ZNF658: variants seen among roughly 807,000 people sequenced by gnomAD.
The protein encoded by ZNF658 is zinc finger protein 658.
A neutral mutation model predicts 78.0 loss-of-function variants in ZNF658; 46 were observed. The ratio of observed to expected loss-of-function variants is 0.59; its 90% CI spans 0.47 to 0.75. ZNF658 has a LOEUF of 0.75. Ranked by LOEUF, ZNF658 falls within the 30% of genes least tolerant of loss-of-function variation. The probability of loss-of-function intolerance (pLI) is 0.00; values close to 1 mark genes in which losing one functional copy is unlikely to be tolerated. For synonymous variants in ZNF658, 279 were observed against 408.4 expected (o/e 0.68, Z 3.82); for missense variants, 785 against 1,189.3 (o/e 0.66, Z 5.00).
rs139502947 is a variant in ZNF658, at chr9:66,917,907, A to C, written c.341A>C (p.Glu114Ala). The stretch of plus-strand genomic sequence containing the variant: ...GATGCTGACAAAACATTGAGTAAAG[A>C]AGGACAGAAAGTTTTAGAAAAACCA... ...ISDADKTLSK[E>A]GQKVLEKPFN... Residue 114 changes from glutamate (E) to alanine (A), a missense_variant, in exon 5 of 5, where the codon GAA becomes GCA. Physicochemically the swap from Glu to Ala is moderately radical, Grantham distance 107 (BLOSUM62 -1). Around this residue, in one of 12 missense-constraint regions of ZNF658, gnomAD observed 54 missense variants for 48.9 expected, o/e 1.10. Coordinates refer to ENST00000621410, the MANE Select transcript of ZNF658 (RefSeq NM_033160.7). 6.2e-7 allele frequency: 1 copy of C among 1,609,680 alleles called. No individual in the cohort carries two copies. The highest frequency in any genetic ancestry group is 2.2e-5 in the East Asian group (1 of 44,754).
chr9:66,931,491 C>T (rs182358196), intron 6 of ZNF658, among the ~76,000 whole-genome samples: 2 of 152,106 alleles, frequency 1.3e-5, no homozygotes, highest in African/African-American at 4.8e-5. Flanking sequence ...CTATGTAGAA[C>T]CATATATCTA....
downstream of ZNF658, among the ~76,000 whole-genome samples, chr9:66,923,966 T>G (rs983982910): frequency 1.4e-5 from 2 of 143,028 alleles, no homozygotes; most frequent in Non-Finnish European, 3.0e-5. Flanking sequence ...CTGGCCAACA[T>G]GGCAAAACCA....
chr9:66,926,317 A>T (rs1012719316), downstream of ZNF658, among the ~76,000 whole-genome samples: 1 of 147,202 alleles, frequency 6.8e-6, no homozygotes, highest in Non-Finnish European at 1.5e-5. Context: ...ACATGATCTA[A>T]TATACAGAAA....
At chr9:66,914,208 TG>T (rs1822280882) in intron 4 of ZNF658, among the ~76,000 whole-genome samples, 2 of 150,738 alleles carry the variant, frequency 1.3e-5, no homozygotes, top group Admixed American at 1.3e-4. Context: ...CTTTCATCAA[TG>T]TCTTTTAGTT....
Position 66,918,503 on chromosome 9 carries a change from A to G in ZNF658, c.937A>G (p.Thr313Ala). ...GINFSRKSPL[T>A]QSQRTITGWS... The stretch of plus-strand genomic sequence containing the variant: ...TAATTTCAGTAGGAAGTCACCCCTC[A>G]CTCAATCTCAGAGAACTATTACAGG... The change falls in exon 5 of 5, where the codon ACT becomes GCT. Residue 313 changes from threonine (T) to alanine (A), a missense_variant. Thr to Ala is a moderately conservative substitution (Grantham distance 58). Coordinates refer to ENST00000621410, the MANE Select transcript of ZNF658 (RefSeq NM_033160.7). 2 of 1,606,796 alleles carry G rather than the reference A, an allele frequency of 1.2e-6. No homozygotes were observed. Among genetic ancestry groups the G allele is most frequent in the Non-Finnish European group, 1.7e-6 (2 of 1,174,108 alleles).
At chr9:66,915,068 CA>C (rs1261860874) in intron 4 of ZNF658, among the ~76,000 whole-genome samples, 1 of 147,410 alleles carries the variant, frequency 6.8e-6, no homozygotes, top group South Asian at 2.1e-4. Flanking sequence ...CACACACACA[CA>C]CACACACACA....
intron 2 of ZNF658, 39 bp downstream of exon 2, chr9:66,903,615 G>C (rs1822004408): frequency 1.2e-6 from 2 of 1,610,490 alleles, no homozygotes; most frequent in Non-Finnish European, 1.7e-6. Flanking sequence ...TTTTACAATA[G>C]GTTTTGTAAG....
chr9:66,921,253 A>G lies in ZNF658; in HGVS notation c.*507A>G, dbSNP rs1170677826. ...CCTATGAATATAATCAGTTTTAGAA[A>G]AACTAATCAGTTTATTGTGCATCAG... On this transcript the variant is annotated 3_prime_UTR_variant, in exon 5 of 5. Transcript: ENST00000621410. 6.4e-6 allele frequency: 1 copy of G among 157,342 alleles called. No individual in the cohort carries two copies. The highest frequency in any genetic ancestry group is 2.4e-5 in the African/African-American group (1 of 41,364). The allele number at this position is 157,342 out of a possible 1,614,324, so 9.7% of individuals were successfully genotyped here.
At chr9:66,928,685 T>C (rs1448598392) in intron 6 of ZNF658, among the ~76,000 whole-genome samples, 4 of 123,358 alleles carry the variant, frequency 3.2e-5, no homozygotes, top group Non-Finnish European at 5.3e-5. Flanking sequence ...ACCCCATCTC[T>C]ACTAAAAATA....
chr9:66,914,549 C>T (rs529746885), intron 4 of ZNF658, among the ~76,000 whole-genome samples: 1 of 152,086 alleles, frequency 6.6e-6, no homozygotes, highest in South Asian at 2.1e-4. Context: ...GGAAGACATT[C>T]AGTCTCTCTT....
chr9:66,907,193 C>T (rs1822099608), intron 2 of ZNF658, among the ~76,000 whole-genome samples: 2 of 152,154 alleles, frequency 1.3e-5, no homozygotes, highest in South Asian at 4.2e-4. Flanking sequence ...TAATTTTACT[C>T]ACCACCTAAA....
chr9:66,903,820 TCAGA>T (rs1406831293), intron 2 of ZNF658, among the ~76,000 whole-genome samples: 1 of 151,972 alleles, frequency 6.6e-6, no homozygotes, highest in Non-Finnish European at 1.5e-5. Flanking sequence ...TGGTGGAGTG[TCAGA>T]CAGACAATAC....
chr9:66,910,865 A>T (rs1822200051), intron 4 of ZNF658, among the ~76,000 whole-genome samples: 6 of 150,424 alleles, frequency 4.0e-5, no homozygotes, highest in African/African-American at 1.5e-4. Flanking sequence ...TGTAGATTTC[A>T]TGTTCTATAT....
At chr9:66,922,536 G>A (rs1194246788), downstream of ZNF658, among the ~76,000 whole-genome samples, 1 of 107,144 alleles carries the variant, frequency 9.3e-6, no homozygotes, top group East Asian at 2.6e-4. Context: ...ATAACAATGT[G>A]TTGTTATTGC....
In ZNF658 at chr9:66,908,275, C is replaced by A. The variant is rs558722563; in HGVS notation, c.53C>A (p.Thr18Asn). The change falls in exon 3 of 5, where the codon ACC becomes AAC. Residue 18 changes from threonine (T) to asparagine (N), a missense_variant. By Grantham distance (65) the Thr-to-Asn change is moderately conservative (BLOSUM62 0). Coordinates refer to ENST00000621410, the MANE Select transcript of ZNF658 (RefSeq NM_033160.7). ...TTCCAGGACGTGACTGTGGAATTCACCCGGGAGGAGTGGCAGCACCTGGGC... is the reference window on the plus strand; with the variant it reads ...TTCCAGGACGTGACTGTGGAATTCAACCGGGAGGAGTGGCAGCACCTGGGC... ...VSFQDVTVEF[T>N]REEWQHLGPV... The A allele has an allele frequency of 1.2e-5, 20 of 1,614,060 alleles. No homozygotes were observed. The South Asian group carries it at 2.1e-4, about 17-fold the overall frequency.
At chr9:66,902,251 T>C (rs1821968770) in intron 1 of ZNF658, among the ~76,000 whole-genome samples, 3 of 145,930 alleles carry the variant, frequency 2.1e-5, no homozygotes, top group Admixed American at 7.0e-5. Flanking sequence ...CAAGAGGGAG[T>C]CCTAGGGACT....
intron 4 of ZNF658, among the ~76,000 whole-genome samples, chr9:66,914,422 T>C (rs1376919351): frequency 6.6e-6 from 1 of 152,054 alleles, no homozygotes; most frequent in Non-Finnish European, 1.5e-5. Context: ...TCTGTGTAAA[T>C]TTACTCTGTA....
intron 2 of ZNF658, among the ~76,000 whole-genome samples, chr9:66,904,389 C>T (rs920990841): frequency 6.6e-6 from 1 of 151,502 alleles, no homozygotes; most frequent in Non-Finnish European, 1.5e-5. Flanking sequence ...ACTGGTCCTT[C>T]CCCGGCTGAT....
intron 1 of ZNF658, 167 bp from the exon 2 acceptor site, chr9:66,903,351 T>A: frequency 1.8e-6 from 1 of 552,910 alleles, no homozygotes; most frequent in Non-Finnish European, 3.3e-6. Context: ...GCGATGATTT[T>A]TTTTTTTAGG....
Sources: gnomAD v4.1 joint callset for allele counts (sites outside exome capture counted in the v4.1 genomes callset) on GRCh38, gnomAD v4.1.1 for gene constraint, gnomAD v4.1.1 regional missense constraint, MANE v1.5 for transcripts, NCBI Gene and HGNC (gene_info 2026-07-23, HGNC 2026-07-21) for gene names.